TDRD10: variants seen among roughly 807,000 people sequenced by gnomAD.
TDRD10 encodes the protein tudor domain containing 10, also known as tudor domain-containing protein 10.
In TDRD10, 40 loss-of-function variants were observed where a neutral mutation model predicts 48.0. The ratio of observed to expected loss-of-function variants is 0.83; its 90% CI spans 0.65 to 1.09. TDRD10 has a LOEUF of 1.09. Ranked by LOEUF, TDRD10 falls within the 50% of genes least tolerant of loss-of-function variation. The pLI is 0.00. For synonymous variants in TDRD10, 162 were observed against 170.4 expected, an observed-to-expected ratio of 0.95 and a Z score of 0.38; for missense variants, 378 against 434.7, an observed-to-expected ratio of 0.87 and a Z score of 1.16.
At position 154,544,401 on chromosome 1, in the gene TDRD10, T is replaced by C; in HGVS notation, c.681T>C (p.Phe227=). The C allele has an allele frequency of 6.3e-7, 1 of 1,596,080 alleles. No homozygotes were observed. Among genetic ancestry groups the C allele is most frequent in the Non-Finnish European group, 8.5e-7 (1 of 1,171,928 alleles). Residue 227 remains phenylalanine (F), a synonymous_variant, in exon 10 of 13, where the codon TTT becomes TTC. Transcript: ENST00000368482. ...EALHQNMQAL[F]STLAQAEEQQ... ...TGCACCAGAACATGCAGGCTCTGTT[T>C]AGCACCCTGGCTCAGGCGGAGGAGC...
At position 154,521,308 on chromosome 1, in the gene TDRD10, C is replaced by T; in HGVS notation, c.213-15C>T. 1 of 1,613,696 alleles carries T rather than the reference C, an allele frequency of 6.2e-7. No homozygotes were observed. The highest frequency in any genetic ancestry group is 8.5e-7 in the Non-Finnish European group (1 of 1,179,738). ...AGATGTGCTCAAAGCCTCCCTCTCTCTCTTCCCTTTTCAGCTTTGCATTTG... is the reference window on the plus strand; with the variant it reads ...AGATGTGCTCAAAGCCTCCCTCTCTTTCTTCCCTTTTCAGCTTTGCATTTG... On this transcript the variant is annotated splice_polypyrimidine_tract_variant and intron_variant, in intron 5 of 12. Coordinates refer to ENST00000368482, the MANE Select transcript of TDRD10 (RefSeq NM_182499.4).
chr1:154,537,625 C>T (rs1426374603), intron 6 of TDRD10, among the ~76,000 whole-genome samples: 1 of 152,182 alleles, frequency 6.6e-6, no homozygotes, highest in Admixed American at 6.5e-5. Context: ...CAGGTTGGGA[C>T]ACTGCCTGTG....
intron 11 of TDRD10, among the ~76,000 whole-genome samples, chr1:154,545,771 C>CT (rs368587572): frequency 3.7e-3 from 474 of 129,246 alleles, no homozygotes; most frequent in East Asian, 8.9e-3. Context: ...CAAACTAAGT[C>CT]TTTTTTTTTT....
At chr1:154,546,507 T>A (rs1015597152) in intron 11 of TDRD10, among the ~76,000 whole-genome samples, 4 of 145,646 alleles carry the variant, frequency 2.7e-5, no homozygotes, top group Non-Finnish European at 6.0e-5. Flanking sequence ...ATATATATAT[T>A]TAAAGATGGA....
chr1:154,528,901 T>C (rs1232033639), intron 6 of TDRD10, among the ~76,000 whole-genome samples: 1 of 152,218 alleles, frequency 6.6e-6, no homozygotes, highest in Non-Finnish European at 1.5e-5. Flanking sequence ...TTTTAAATAG[T>C]TGTGCTAGAT....
At chr1:154,529,001 T>C (rs1694462629) in intron 6 of TDRD10, among the ~76,000 whole-genome samples, 1 of 152,218 alleles carries the variant, frequency 6.6e-6, no homozygotes, top group Admixed American at 6.5e-5. Flanking sequence ...CCCTTTACCT[T>C]TCCCTGTTAA....
At chr1:154,538,763 G>A (rs1331669047) in intron 6 of TDRD10, among the ~76,000 whole-genome samples, 4 of 115,890 alleles carry the variant, frequency 3.5e-5, no homozygotes, top group African/African-American at 1.2e-4. Context: ...TGAGGCAGGA[G>A]AATGGTATGA....
At chr1:154,526,074 G>A (rs1183431560) in intron 6 of TDRD10, among the ~76,000 whole-genome samples, 3 of 151,038 alleles carry the variant, frequency 2.0e-5, no homozygotes, top group Admixed American at 6.6e-5. Context: ...GCGTGGTGGC[G>A]TGCACCTGTA....
intron 6 of TDRD10, among the ~76,000 whole-genome samples, chr1:154,526,657 G>C (rs926688562): frequency 6.6e-6 from 1 of 152,002 alleles, no homozygotes; most frequent in Non-Finnish European, 1.5e-5. Context: ...GTTTCACCAT[G>C]TCGGCCAGGC....
At chr1:154,531,510 C>T (rs1383475146) in intron 6 of TDRD10, among the ~76,000 whole-genome samples, 1 of 152,144 alleles carries the variant, frequency 6.6e-6, no homozygotes, top group Non-Finnish European at 1.5e-5. Context: ...GTGAGTGTTA[C>T]AGCTTTTAAG....
At chr1:154,540,628 A>T (rs1466319425) in intron 6 of TDRD10, among the ~76,000 whole-genome samples, 1 of 152,096 alleles carries the variant, frequency 6.6e-6, no homozygotes, top group Non-Finnish European at 1.5e-5. Flanking sequence ...AGACATGCTA[A>T]GTCTGTGTAC....
At position 154,545,679 on chromosome 1, in the gene TDRD10, A is replaced by G. The variant is rs12093143; in HGVS notation, c.952+730A>G. ...AGCCTCAAACTCCTTGGCTCAAGCA[A>G]TCCTTCCACCTTGGCCTCTCAAAGT... On this transcript the variant is annotated intron_variant, in intron 11 of 12. Coordinates refer to ENST00000368482, the MANE Select transcript of TDRD10 (RefSeq NM_182499.4). 3.0e-3 allele frequency among the ~76,000 whole-genome samples: 463 copies of G among 152,146 alleles called. 4 individuals carry two copies. The highest frequency in any genetic ancestry group is 0.011 in the African/African-American group (437 of 41,488).
chr1:154,531,132 C>T (rs1044343660), intron 6 of TDRD10, among the ~76,000 whole-genome samples: 4 of 152,288 alleles, frequency 2.6e-5, no homozygotes, highest in African/African-American at 9.6e-5. Flanking sequence ...TGAGCCACCA[C>T]GCCTGGCCTA....
intron 6 of TDRD10, among the ~76,000 whole-genome samples, chr1:154,537,215 CCT>C (rs1175630367): frequency 2.0e-5 from 3 of 152,188 alleles, no homozygotes; most frequent in African/African-American, 7.2e-5. Flanking sequence ...CCCTTCATCC[CCT>C]GTCTCTGACG....
At chr1:154,538,913 T>C (rs1695076659) in intron 6 of TDRD10, among the ~76,000 whole-genome samples, 1 of 148,636 alleles carries the variant, frequency 6.7e-6, no homozygotes, top group Admixed American at 6.7e-5. Context: ...CGAGGAAAGG[T>C]TCAATTTGGG....
chr1:154,510,578 C>A (rs1023820778), intron 4 of TDRD10, among the ~76,000 whole-genome samples: 1 of 151,676 alleles, frequency 6.6e-6, no homozygotes, highest in Non-Finnish European at 1.5e-5. Context: ...GGCGACAGAG[C>A]GAGACTCCAT....
At position 154,503,765 on chromosome 1, in the gene TDRD10, C is replaced by T. The variant is rs143450725; in HGVS notation, c.-28+736C>T. Among the ~76,000 whole-genome samples the T allele has an allele frequency of 1.4e-4, 22 of 152,316 alleles. No individual in the cohort carries two copies. The East Asian group carries it at 4.0e-3, about 28-fold the overall frequency. On this transcript the variant is annotated intron_variant, in intron 1 of 12. Coordinates refer to ENST00000368482, the MANE Select transcript of TDRD10 (RefSeq NM_182499.4). ...GAATGATGGCGACTGTGGACGGCCTCATTTGTGTGGGTGGTGGTTTGTGAG... is the reference window on the plus strand; with the variant it reads ...GAATGATGGCGACTGTGGACGGCCTTATTTGTGTGGGTGGTGGTTTGTGAG...
chr1:154,509,156 C>G (rs1693311653), intron 4 of TDRD10, among the ~76,000 whole-genome samples: 1 of 137,298 alleles, frequency 7.3e-6, no homozygotes, highest in Admixed American at 8.1e-5. Context: ...GTCTGGCATG[C>G]TTAAAGATAA....
intron 5 of TDRD10, 103 bp downstream of exon 5, chr1:154,520,477 G>C: frequency 1.2e-6 from 1 of 839,336 alleles, no homozygotes; most frequent in Non-Finnish European, 2.0e-6. Context: ...CAACCGCCAC[G>C]TCCACACCCA....
Sources: allele counts gnomAD v4.1 joint callset (sites outside exome capture counted in the v4.1 genomes callset), GRCh38; gene constraint gnomAD v4.1.1; transcripts MANE v1.5; gene names NCBI Gene and HGNC (gene_info 2026-07-23, HGNC 2026-07-21).